Variants in CNTN3 observed in about 807,000 individuals in gnomAD.
CNTN3 encodes contactin 3.
In CNTN3, 60 loss-of-function variants were observed where a neutral mutation model predicts 119.1. The ratio of observed to expected loss-of-function variants is 0.50; its 90% CI spans 0.41 to 0.62. The LOEUF (loss-of-function observed/expected upper bound fraction) is 0.62, where lower values mean the gene tolerates loss of function less well. Among genes scored for constraint, CNTN3 ranks in the 20% least tolerant of loss-of-function variants. The pLI, the probability that CNTN3 is intolerant of heterozygous loss-of-function variation, is 0.00. For synonymous variants in CNTN3, 450 were observed against 438.7 expected (o/e 1.03, Z -0.32); for missense variants, 1,101 against 1,242.4 (o/e 0.89, Z 1.71).
intron 1 of CNTN3, among the ~76,000 whole-genome samples, chr3:74,599,538 G>A (rs1704873945): frequency 1.3e-5 from 2 of 152,048 alleles, no homozygotes; most frequent in Non-Finnish European, 2.9e-5. Flanking sequence ...CTCATAAGGA[G>A]CATGCCACAT....
chr3:74,471,282 G>T (rs1702557108), intron 4 of CNTN3, among the ~76,000 whole-genome samples: 2 of 151,894 alleles, frequency 1.3e-5, no homozygotes, highest in South Asian at 4.2e-4. Context: ...ACCATGGCAC[G>T]TGTATACCTA....
At chr3:74,288,181 CAG>C (rs1233913442) in intron 19 of CNTN3, among the ~76,000 whole-genome samples, 2 of 107,410 alleles carry the variant, frequency 1.9e-5, no homozygotes, top group Non-Finnish European at 3.4e-5. Flanking sequence ...TTTTTTGAGA[CAG>C]AGTCTCACTG....
chr3:74,361,464 C>T (rs567584003), intron 11 of CNTN3, among the ~76,000 whole-genome samples: 4 of 152,278 alleles, frequency 2.6e-5, no homozygotes, highest in Admixed American at 2.6e-4. Context: ...GATGCCTTTG[C>T]TTAAACTAAA....
chr3:74,525,452 C>T (rs567361562), intron 1 of CNTN3, among the ~76,000 whole-genome samples: 1 of 151,798 alleles, frequency 6.6e-6, no homozygotes, highest in African/African-American at 2.4e-5. Flanking sequence ...TGCCATGTAT[C>T]ATCACGGAGA....
At chr3:74,412,799 C>G (rs566934993) in intron 5 of CNTN3, among the ~76,000 whole-genome samples, 1 of 152,116 alleles carries the variant, frequency 6.6e-6, no homozygotes, top group Non-Finnish European at 1.5e-5. Flanking sequence ...GCCCATGAAC[C>G]CTCCAGGTGG....
At chr3:74,545,757 T>G (rs1200920508) in intron 1 of CNTN3, among the ~76,000 whole-genome samples, 1 of 152,164 alleles carries the variant, frequency 6.6e-6, no homozygotes, top group Non-Finnish European at 1.5e-5. Flanking sequence ...TATGTTTTTG[T>G]TGTTTGATTT....
chr3:74,518,651 G>T (rs1575803162), intron 2 of CNTN3, among the ~76,000 whole-genome samples: 1 of 151,942 alleles, frequency 6.6e-6, no homozygotes, highest in Admixed American at 6.6e-5. Flanking sequence ...CCCACCAAAT[G>T]GAAAATACTC....
chr3:74,323,399 T>C (rs1294427429), intron 13 of CNTN3, among the ~76,000 whole-genome samples: 1 of 152,126 alleles, frequency 6.6e-6, no homozygotes, highest in East Asian at 1.9e-4. Flanking sequence ...TGCAAATAGG[T>C]ATATAGAGAA....
intron 13 of CNTN3, among the ~76,000 whole-genome samples, chr3:74,324,418 C>T (rs1340715227): frequency 6.6e-6 from 1 of 151,982 alleles, no homozygotes; most frequent in Non-Finnish European, 1.5e-5. Flanking sequence ...GCCATGATGG[C>T]CAGGCTGGTT....
intron 13 of CNTN3, among the ~76,000 whole-genome samples, chr3:74,321,173 G>T (rs936687362): frequency 1.3e-5 from 2 of 152,056 alleles, no homozygotes; most frequent in African/African-American, 4.8e-5. Context: ...AGACTATTGG[G>T]TACTATGCTC....
rs138191723 is a variant in CNTN3, at chr3:74,365,659, G to C, written c.990C>G (p.Ala330=). The change falls in exon 9 of 23, where the codon GCC becomes GCG. Residue 330 remains alanine (A), a synonymous_variant. Transcript: ENST00000263665. The part of the protein sequence containing the change: ...WVQLIKDVEI[A]VEDSLYWECR... ...ATTCCCAATAAAGACTGTCCTCCAC[G>C]GCTATTTCCACATCCTTTATGAGTT... is the stretch of plus-strand genomic sequence containing the variant. The C allele has an allele frequency of 1.1e-5, 18 of 1,613,220 alleles. No homozygotes were observed. The Admixed American group carries it at 2.5e-4, about 22-fold the overall frequency.
At chr3:74,295,686 G>A (rs1185680657) in intron 18 of CNTN3, among the ~76,000 whole-genome samples, 1 of 152,174 alleles carries the variant, frequency 6.6e-6, no homozygotes, top group Non-Finnish European at 1.5e-5. Flanking sequence ...TGTCTAGAGA[G>A]GCCTACAGAG....
intron 5 of CNTN3, among the ~76,000 whole-genome samples, chr3:74,402,889 G>A (rs1480764723): frequency 6.6e-6 from 1 of 152,180 alleles, no homozygotes; most frequent in Non-Finnish European, 1.5e-5. Context: ...TACTTTCACG[G>A]CAGAGGGAAC....
chr3:74,485,575 T>A (rs1437877486), intron 4 of CNTN3, among the ~76,000 whole-genome samples: 1 of 151,714 alleles, frequency 6.6e-6, no homozygotes, highest in Non-Finnish European at 1.5e-5. Context: ...TAATAAAAAG[T>A]TTATGGGGAA....
At chr3:74,554,912 C>G (rs1407578204) in intron 1 of CNTN3, among the ~76,000 whole-genome samples, 1 of 152,158 alleles carries the variant, frequency 6.6e-6, no homozygotes, top group African/African-American at 2.4e-5. Flanking sequence ...ATTGCTTTCC[C>G]TTGCCTGACT....
intron 1 of CNTN3, among the ~76,000 whole-genome samples, chr3:74,568,742 G>A (rs1006003198): frequency 6.6e-6 from 1 of 152,166 alleles, no homozygotes; most frequent in African/African-American, 2.4e-5. Context: ...ATACATAGGT[G>A]ATAAAGGCTT....
intron 11 of CNTN3, among the ~76,000 whole-genome samples, chr3:74,338,528 A>C (rs140457697): frequency 1.3e-5 from 2 of 151,732 alleles, no homozygotes; most frequent in Admixed American, 6.6e-5. Context: ...GTGTGTATAT[A>C]TCTCTCTCCA....
chr3:74,519,384 TA>T (rs746788271), intron 2 of CNTN3, among the ~76,000 whole-genome samples: 1 of 151,816 alleles, frequency 6.6e-6, no homozygotes, highest in African/African-American at 2.4e-5. Flanking sequence ...CGTAAATATG[TA>T]AAACATTTCT....
At chr3:74,341,722 T>G (rs1440757008) in intron 11 of CNTN3, among the ~76,000 whole-genome samples, 1 of 152,164 alleles carries the variant, frequency 6.6e-6, no homozygotes, top group African/African-American at 2.4e-5. Context: ...ACTTTGTTTG[T>G]TCATAAAGTA....
Sources: allele counts gnomAD v4.1 joint callset (sites outside exome capture counted in the v4.1 genomes callset), GRCh38; gene constraint gnomAD v4.1.1; transcripts MANE v1.5; gene names NCBI Gene and HGNC (gene_info 2026-07-23, HGNC 2026-07-21).